CAMK2N2: variants seen among roughly 807,000 people sequenced by gnomAD.
CAMK2N2 encodes calcium/calmodulin-dependent protein kinase II inhibitor 2.
Under a neutral mutation model 7.8 loss-of-function variants are expected in CAMK2N2, and 3 were observed. That is an observed-to-expected ratio of 0.38 (90% CI 0.18 to 0.99). CAMK2N2 has a LOEUF of 0.99. CAMK2N2 is among the 50% of genes least tolerant of loss of function. CAMK2N2 has a pLI of 0.37. For missense variants in CAMK2N2, 85 were observed against 108.4 expected (o/e 0.78, Z 0.96); for synonymous variants, 45 against 46.6 (o/e 0.97, Z 0.14).
rs1719979428 is a variant in CAMK2N2, at chr3:184,260,005, C to T, written c.*152G>A. On this transcript the variant is annotated 3_prime_UTR_variant, in exon 2 of 2. Coordinates refer to ENST00000296238, the MANE Select transcript of CAMK2N2 (RefSeq NM_033259.3). The surrounding 1 kb of genome is among the most constrained non-coding windows in gnomAD (Gnocchi z 6.6). ...GCCGTGGTGCTGAAGCGGACAGCTC[C>T]GGAGTGCCTGGCGGCGGCGGCGGCA... 1 of 194,904 alleles carries T rather than the reference C, an allele frequency of 5.1e-6. No homozygotes were observed. Among genetic ancestry groups the T allele is most frequent in the Non-Finnish European group, 9.1e-6 (1 of 109,926 alleles). The allele number at this position is 194,904 out of a possible 1,614,324, so 12.1% of individuals were successfully genotyped here. A position where few individuals can be genotyped will look rare whatever the true frequency, so the allele number is the denominator to read the frequency against.
In CAMK2N2 at chr3:184,261,354, G is replaced by C; in HGVS notation, c.-69C>G. Reference sequence around the variant, plus strand: ...GGGCGCGGGCGGCGGGCTTGCTGCCGGACCGGCCCTACCTCAGCAGGGGAG... The same window carrying C: ...GGGCGCGGGCGGCGGGCTTGCTGCCCGACCGGCCCTACCTCAGCAGGGGAG... On this transcript the variant is annotated 5_prime_UTR_variant, in exon 1 of 2. Coordinates refer to ENST00000296238, the MANE Select transcript of CAMK2N2 (RefSeq NM_033259.3). The surrounding 1 kb of genome is among the most constrained non-coding windows in gnomAD (Gnocchi z 5.1). 1 of 1,293,516 alleles carries C rather than the reference G, an allele frequency of 7.7e-7. No homozygotes were observed. Among genetic ancestry groups the C allele is most frequent in the Non-Finnish European group, 9.9e-7 (1 of 1,008,238 alleles). 80.1% of individuals were successfully genotyped at this position (1,293,516 alleles called of 1,614,324 possible). A position where few individuals can be genotyped will look rare whatever the true frequency, so the allele number is the denominator to read the frequency against.
Position 184,261,050 on chromosome 3 carries a change from G to A in CAMK2N2, c.169+67C>T. On this transcript the variant is annotated intron_variant, in intron 1 of 1. Coordinates refer to ENST00000296238, the MANE Select transcript of CAMK2N2 (RefSeq NM_033259.3). The surrounding 1 kb of genome is among the most constrained non-coding windows in gnomAD (Gnocchi z 5.1). ...GAGCTGCGGGCACTCGGCGGGGAAC[G>A]GCAGCCGGGGGGCGCCCGGCGGAGG... The A allele has an allele frequency of 2.1e-6, 3 of 1,457,992 alleles. No individual in the cohort carries two copies. The highest frequency in any genetic ancestry group is 1.3e-5 in the South Asian group (1 of 75,570). 90.3% of individuals were successfully genotyped at this position (1,457,992 alleles called of 1,614,324 possible).
In CAMK2N2 at chr3:184,260,322, C is replaced by T. The variant is rs1364657065; in HGVS notation, c.170-95G>A. 6 of 1,224,186 alleles carry T rather than the reference C, an allele frequency of 4.9e-6. No homozygotes were observed. Among genetic ancestry groups the T allele is most frequent in the Non-Finnish European group, 6.9e-6 (6 of 866,300 alleles). 75.8% of individuals were successfully genotyped at this position (1,224,186 alleles called of 1,614,324 possible). A position where few individuals can be genotyped will look rare whatever the true frequency, so the allele number is the denominator to read the frequency against. On this transcript the variant is annotated intron_variant, in intron 1 of 1. Coordinates refer to ENST00000296238, the MANE Select transcript of CAMK2N2 (RefSeq NM_033259.3). This position sits in a 1 kb window ranked among gnomAD's most constrained non-coding sequence, Gnocchi z 6.6. ...CCTAGCTTCCCGCGCAGCTACTGCC[C>T]GTGGCCCAGCGACGCCCCTCGGAAC...
chr3:184,261,140 C>A lies in CAMK2N2; in HGVS notation c.146G>T (p.Gly49Val). ...GNQAKRPPKLGQIGRAKRVVI... is the reference protein window; with the variant it reads ...GNQAKRPPKLVQIGRAKRVVI... ...ACCTCGCTTGGCTCGGCCGATCTGG[C>A]CCAGCTTGGGGGGTCGCTTGGCCTG... Residue 49 changes from glycine to valine, a missense_variant, in exon 1 of 2, where the codon GGC becomes GTC. Coordinates refer to ENST00000296238, the MANE Select transcript of CAMK2N2 (RefSeq NM_033259.3). The surrounding 1 kb of genome is among the most constrained non-coding windows in gnomAD (Gnocchi z 5.1). 8 of 1,605,440 alleles carry A rather than the reference C, an allele frequency of 5.0e-6. No homozygotes were observed. The highest frequency in any genetic ancestry group is 6.8e-6 in the Non-Finnish European group (8 of 1,177,116).
Position 184,260,041 on chromosome 3 carries a change from G to GC in CAMK2N2, c.*115dup, listed in dbSNP as rs1409448232. The GC allele has an allele frequency of 6.3e-5, 24 of 378,732 alleles. No individual in the cohort carries two copies. Among genetic ancestry groups the GC allele is most frequent in the Non-Finnish European group, 8.2e-5 (23 of 279,516 alleles). 23.5% of individuals were successfully genotyped at this position (378,732 alleles called of 1,614,324 possible). A position where few individuals can be genotyped will look rare whatever the true frequency, so the allele number is the denominator to read the frequency against. ...GCGGCGGCGGCGGCACGGCCCTGCA[G>GC]CCCCCGCCCGCGGGCGCCTGGGCCG... On this transcript the variant is annotated 3_prime_UTR_variant, in exon 2 of 2. Transcript: ENST00000296238. This position sits in a 1 kb window ranked among gnomAD's most constrained non-coding sequence, Gnocchi z 6.6.
At position 184,260,310 on chromosome 3, in the gene CAMK2N2, G is replaced by T; in HGVS notation, c.170-83C>A. The T allele has an allele frequency of 7.4e-7, 1 of 1,345,738 alleles. No homozygotes were observed. The highest frequency in any genetic ancestry group is 1.0e-6 in the Non-Finnish European group (1 of 960,550). The allele number at this position is 1,345,738 out of a possible 1,614,324, so 83.4% of individuals were successfully genotyped here. On this transcript the variant is annotated intron_variant, in intron 1 of 1. Coordinates refer to ENST00000296238, the MANE Select transcript of CAMK2N2 (RefSeq NM_033259.3). The surrounding 1 kb of genome is among the most constrained non-coding windows in gnomAD (Gnocchi z 6.6). ...TGAGCCCCGCGTCCTAGCTTCCCGC[G>T]CAGCTACTGCCCGTGGCCCAGCGAC... is the stretch of plus-strand genomic sequence containing the variant.
In CAMK2N2 at chr3:184,260,245, G is replaced by A. The variant is rs766164887; in HGVS notation, c.170-18C>T. The A allele has an allele frequency of 1.9e-6, 3 of 1,606,996 alleles. No individual in the cohort carries two copies. Among genetic ancestry groups the A allele is most frequent in the Non-Finnish European group, 2.6e-6 (3 of 1,176,354 alleles). On this transcript the variant is annotated intron_variant, in intron 1 of 1. Coordinates refer to ENST00000296238, the MANE Select transcript of CAMK2N2 (RefSeq NM_033259.3). This position sits in a 1 kb window ranked among gnomAD's most constrained non-coding sequence, Gnocchi z 6.6. ...GATCACCACTGCGCAGGGAGAAAGC[G>A]CGTCAGCCGCGCGGCCTCGGGGGGC...
In CAMK2N2 at chr3:184,260,014, T is replaced by TGGC. The variant is rs941525804; in HGVS notation, c.*140_*142dup. On this transcript the variant is annotated 3_prime_UTR_variant, in exon 2 of 2. Transcript: ENST00000296238. The surrounding 1 kb of genome is among the most constrained non-coding windows in gnomAD (Gnocchi z 6.6). ...CTGAAGCGGACAGCTCCGGAGTGCC[T>TGGC]GGCGGCGGCGGCGGCACGGCCCTGC... is the stretch of plus-strand genomic sequence containing the variant. The TGGC allele has an allele frequency of 6.2e-5, 13 of 209,366 alleles. No homozygotes were observed. The highest frequency in any genetic ancestry group is 1.6e-4 in the African/African-American group (6 of 38,592). The allele number at this position is 209,366 out of a possible 1,614,324, so 13.0% of individuals were successfully genotyped here. A position where few individuals can be genotyped will look rare whatever the true frequency, so the allele number is the denominator to read the frequency against.
In CAMK2N2 at chr3:184,260,149, C is replaced by T. The variant is rs771323849; in HGVS notation, c.*8G>A. 8 of 1,536,104 alleles carry T rather than the reference C, an allele frequency of 5.2e-6. No homozygotes were observed. The highest frequency in any genetic ancestry group is 2.5e-5 in the East Asian group (1 of 39,442). ...TGGGCCCGGAGCCCGCCGCCCGAGC[C>T]GGCGCGTCTACACTCCGGACGGCGG... On this transcript the variant is annotated 3_prime_UTR_variant, in exon 2 of 2. Coordinates refer to ENST00000296238, the MANE Select transcript of CAMK2N2 (RefSeq NM_033259.3). The surrounding 1 kb of genome is among the most constrained non-coding windows in gnomAD (Gnocchi z 6.6).
rs1205116645 is a variant in CAMK2N2, at chr3:184,261,342, G to C, written c.-57C>G. ...GGGACTGCGGCGGGGCGCGGGCGGCGGGCTTGCTGCCGGACCGGCCCTACC... is the reference window on the plus strand; with the variant it reads ...GGGACTGCGGCGGGGCGCGGGCGGCCGGCTTGCTGCCGGACCGGCCCTACC... On this transcript the variant is annotated 5_prime_UTR_variant, in exon 1 of 2. Transcript: ENST00000296238. This position sits in a 1 kb window ranked among gnomAD's most constrained non-coding sequence, Gnocchi z 5.1. 6.0e-6 allele frequency: 8 copies of C among 1,338,430 alleles called. No homozygotes were observed. The highest frequency in any genetic ancestry group is 1.6e-5 in the African/African-American group (1 of 64,132). The allele number at this position is 1,338,430 out of a possible 1,614,324, so 82.9% of individuals were successfully genotyped here.
rs1720009688 is a variant in CAMK2N2, at chr3:184,260,623, C to T, written c.170-396G>A. ...AGTATCCAGCTGGTCCAGCCCTCTCCTCAACCTGAGCCCTCTCGCCGCTGG... is the reference window on the plus strand; with the variant it reads ...AGTATCCAGCTGGTCCAGCCCTCTCTTCAACCTGAGCCCTCTCGCCGCTGG... On this transcript the variant is annotated intron_variant, in intron 1 of 1. Transcript: ENST00000296238. This position sits in a 1 kb window ranked among gnomAD's most constrained non-coding sequence, Gnocchi z 6.6. Among the ~76,000 whole-genome samples the T allele has an allele frequency of 6.6e-6, 1 of 152,192 alleles. No homozygotes were observed. The highest frequency in any genetic ancestry group is 6.5e-5 in the Admixed American group (1 of 15,278).
chr3:184,261,277 C>G lies in CAMK2N2; in HGVS notation c.9G>C (p.Glu3Asp), dbSNP rs1271578556. 6.4e-7 allele frequency: 1 copy of G among 1,561,902 alleles called. No individual in the cohort carries two copies. The highest frequency in any genetic ancestry group is 8.6e-7 in the Non-Finnish European group (1 of 1,159,738). The change falls in exon 1 of 2, where the codon GAG becomes GAC. Residue 3 changes from glutamate to aspartate, a missense_variant. Physicochemically the swap from Glu to Asp is conservative, Grantham distance 45. Coordinates refer to ENST00000296238, the MANE Select transcript of CAMK2N2 (RefSeq NM_033259.3). The surrounding 1 kb of genome is among the most constrained non-coding windows in gnomAD (Gnocchi z 5.1). ...TCTTGTCTTCGCTGTAGGGCAGGATCTCGGACATGGCGGGCGCGGGGTGGG... is the reference window on the plus strand; with the variant it reads ...TCTTGTCTTCGCTGTAGGGCAGGATGTCGGACATGGCGGGCGCGGGGTGGG... The part of the protein sequence containing the change: MS[E>D]ILPYSEDKMG...
Position 184,260,985 on chromosome 3 carries a change from G to GC in CAMK2N2, c.169+131dup. The GC allele has an allele frequency of 1.1e-6, 1 of 902,802 alleles. No individual in the cohort carries two copies. Among genetic ancestry groups the GC allele is most frequent in the Non-Finnish European group, 1.6e-6 (1 of 644,206 alleles). The allele number at this position is 902,802 out of a possible 1,614,324, so 55.9% of individuals were successfully genotyped here. A position where few individuals can be genotyped will look rare whatever the true frequency, so the allele number is the denominator to read the frequency against. ...ACTGCAGCGGGGACCCCCCCCTCCA[G>GC]CCCGGGCTGGAGAGCGGCTGGTGCG... On this transcript the variant is annotated intron_variant, in intron 1 of 1. Coordinates refer to ENST00000296238, the MANE Select transcript of CAMK2N2 (RefSeq NM_033259.3). This position sits in a 1 kb window ranked among gnomAD's most constrained non-coding sequence, Gnocchi z 6.6.
Position 184,260,759 on chromosome 3 carries a change from G to A in CAMK2N2, c.169+358C>T, listed in dbSNP as rs1261501519. 6.6e-6 allele frequency among the ~76,000 whole-genome samples: 1 copy of A among 152,164 alleles called. No homozygotes were observed. Among genetic ancestry groups the A allele is most frequent in the Non-Finnish European group, 1.5e-5 (1 of 68,024 alleles). ...TCTTGTTAGACGTCCCTCTCGACCC[G>A]AAGGTTCTTCGTATTGTCCACCGAC... On this transcript the variant is annotated intron_variant, in intron 1 of 1. Coordinates refer to ENST00000296238, the MANE Select transcript of CAMK2N2 (RefSeq NM_033259.3). This position sits in a 1 kb window ranked among gnomAD's most constrained non-coding sequence, Gnocchi z 6.6.
In CAMK2N2 at chr3:184,261,393, G is replaced by A; in HGVS notation, c.-108C>T. ...TCAGCAGGGGAGCCGGCGGAAGGATGAAGTCATGCAGCATCCGGGGCTGAG... is the reference window on the plus strand; with the variant it reads ...TCAGCAGGGGAGCCGGCGGAAGGATAAAGTCATGCAGCATCCGGGGCTGAG... On this transcript the variant is annotated 5_prime_UTR_variant, in exon 1 of 2. Coordinates refer to ENST00000296238, the MANE Select transcript of CAMK2N2 (RefSeq NM_033259.3). The surrounding 1 kb of genome is among the most constrained non-coding windows in gnomAD (Gnocchi z 5.1). 1 of 989,264 alleles carries A rather than the reference G, an allele frequency of 1.0e-6. No individual in the cohort carries two copies. The allele number at this position is 989,264 out of a possible 1,614,324, so 61.3% of individuals were successfully genotyped here.
rs568376138 is a variant in CAMK2N2 at position 184,260,031 on chromosome 3, C to G, written c.*126G>C. The G allele has an allele frequency of 1.7e-4, 50 of 291,484 alleles. No individual in the cohort carries two copies. The highest frequency in any genetic ancestry group is 1.8e-3 in the Middle Eastern group (1 of 570). The allele number at this position is 291,484 out of a possible 1,614,324, so 18.1% of individuals were successfully genotyped here. A position where few individuals can be genotyped will look rare whatever the true frequency, so the allele number is the denominator to read the frequency against. ...GGAGTGCCTGGCGGCGGCGGCGGCA[C>G]GGCCCTGCAGCCCCCGCCCGCGGGC... On this transcript the variant is annotated 3_prime_UTR_variant, in exon 2 of 2. Coordinates refer to ENST00000296238, the MANE Select transcript of CAMK2N2 (RefSeq NM_033259.3). This position sits in a 1 kb window ranked among gnomAD's most constrained non-coding sequence, Gnocchi z 6.6.
Position 184,261,014 on chromosome 3 carries a change from G to A in CAMK2N2, c.169+103C>T, listed in dbSNP as rs1417188486. The A allele has an allele frequency of 7.0e-6, 9 of 1,284,352 alleles. No homozygotes were observed. Among genetic ancestry groups the A allele is most frequent in the Non-Finnish European group, 9.3e-6 (9 of 968,948 alleles). 79.6% of individuals were successfully genotyped at this position (1,284,352 alleles called of 1,614,324 possible). A position where few individuals can be genotyped will look rare whatever the true frequency, so the allele number is the denominator to read the frequency against. On this transcript the variant is annotated intron_variant, in intron 1 of 1. Coordinates refer to ENST00000296238, the MANE Select transcript of CAMK2N2 (RefSeq NM_033259.3). The surrounding 1 kb of genome is among the most constrained non-coding windows in gnomAD (Gnocchi z 5.1). ...GGGCTGGAGAGCGGCTGGTGCGCTG[G>A]TCTGCGGCAAGAGCTGCGGGCACTC...
In CAMK2N2 at chr3:184,261,031, C is replaced by A. The variant is rs1021604026; in HGVS notation, c.169+86G>T. On this transcript the variant is annotated intron_variant, in intron 1 of 1. Transcript: ENST00000296238. The surrounding 1 kb of genome is among the most constrained non-coding windows in gnomAD (Gnocchi z 5.1). ...GTGCGCTGGTCTGCGGCAAGAGCTG[C>A]GGGCACTCGGCGGGGAACGGCAGCC... 6.5e-6 allele frequency: 9 copies of A among 1,386,226 alleles called. No homozygotes were observed. The Admixed American group carries it at 1.0e-4, about 16-fold the overall frequency. 85.9% of individuals were successfully genotyped at this position (1,386,226 alleles called of 1,614,324 possible).
In CAMK2N2 at chr3:184,260,453, C is replaced by T. The variant is rs1720003658; in HGVS notation, c.170-226G>A. Among the ~76,000 whole-genome samples, 1 of 152,234 alleles carries T rather than the reference C, an allele frequency of 6.6e-6. No individual in the cohort carries two copies. Among genetic ancestry groups the T allele is most frequent in the Admixed American group, 6.5e-5 (1 of 15,290 alleles). ...TGGCGGAACGCCCCTCTTCCAAAGG[C>T]TCCAGCTATTCTCCCTCCCAGTGCG... On this transcript the variant is annotated intron_variant, in intron 1 of 1. Transcript: ENST00000296238. This position sits in a 1 kb window ranked among gnomAD's most constrained non-coding sequence, Gnocchi z 6.6.
Sources: gnomAD v4.1 joint callset for allele counts (sites outside exome capture counted in the v4.1 genomes callset) on GRCh38, gnomAD v4.1.1 for gene constraint, Gnocchi (gnomAD v3.1) non-coding constraint, MANE v1.5 for transcripts, NCBI Gene and HGNC (gene_info 2026-07-23, HGNC 2026-07-21) for gene names.